The following RAF1 variants were observed in gnomAD, a reference collection of about 807,000 sequenced individuals.
RAF1 encodes RAF proto-oncogene serine/threonine-protein kinase.
Under a neutral mutation model 81.1 loss-of-function variants are expected in RAF1, and 27 were observed. That is an observed-to-expected ratio of 0.33 (90% CI 0.25 to 0.46). The LOEUF is 0.46. Among genes scored for constraint, RAF1 ranks in the 20% least tolerant of loss-of-function variants. RAF1 has a pLI of 1.00. For synonymous variants in RAF1, 298 were observed against 294.0 expected (o/e 1.01, Z -0.14); for missense variants, 598 against 826.0 (o/e 0.72, Z 3.38).
At chr3:12,595,897 A>T in intron 11 of RAF1, among the ~76,000 whole-genome samples, 1 of 146,772 alleles carries the variant, frequency 6.8e-6, no homozygotes, top group Non-Finnish European at 1.5e-5. Flanking sequence ...TTTTTTGGAC[A>T]CAGGGTCTTG....
intron 1 of RAF1, among the ~76,000 whole-genome samples, chr3:12,620,686 C>T (rs1356003801): frequency 2.0e-5 from 3 of 152,036 alleles, no homozygotes; most frequent in Non-Finnish European, 4.4e-5. Context: ...CTATGTTGCC[C>T]AGGCTGGTCT....
chr3:12,585,033 A>C (rs767966447), intron 16 of RAF1, 52 bp from the exon 16 acceptor site: 1 of 1,614,066 alleles, frequency 6.2e-7, no homozygotes, highest in Non-Finnish European at 8.5e-7. Flanking sequence ...ACAACAGATA[A>C]TAACAAGTCC....
rs2059124109 is a variant in RAF1 at position 12,608,937 on chromosome 3, A to G, written c.424-14T>C. ...CGTCTTCCGAGCCTACAACAAGAAC[A>G]CAGGTGTAAATTATGCTGAATAAAT... is the stretch of plus-strand genomic sequence containing the variant. On this transcript the variant is annotated splice_polypyrimidine_tract_variant and intron_variant, in intron 4 of 17. Transcript: ENST00000442415. 1 of 1,614,024 alleles carries G rather than the reference A, an allele frequency of 6.2e-7. No homozygotes were observed. Among genetic ancestry groups the G allele is most frequent in the Non-Finnish European group, 8.5e-7 (1 of 1,179,896 alleles).
intron 2 of RAF1, 121 bp from the exon 3 acceptor site, chr3:12,612,183 C>T (rs1189069722): frequency 2.4e-5 from 18 of 758,024 alleles, no homozygotes; most frequent in Non-Finnish European, 3.5e-5. Context: ...CACACATATA[C>T]GAAACAACCT....
chr3:12,613,175 G>T (rs909920537), intron 2 of RAF1, among the ~76,000 whole-genome samples: 1 of 152,096 alleles, frequency 6.6e-6, no homozygotes, highest in African/African-American at 2.4e-5. Context: ...GAGTGCCCAG[G>T]ATACTCACAA....
At chr3:12,616,481 C>T (rs1324522178) in intron 2 of RAF1, among the ~76,000 whole-genome samples, 1 of 152,182 alleles carries the variant, frequency 6.6e-6, no homozygotes, top group African/African-American at 2.4e-5. Context: ...GGGATTATTA[C>T]TGCTTATTTT....
chr3:12,633,949 A>C (rs1490642878), intron 1 of RAF1, among the ~76,000 whole-genome samples: 5 of 151,842 alleles, frequency 3.3e-5, no homozygotes, highest in Non-Finnish European at 5.9e-5. Context: ...AAAAAAAAAA[A>C]AACAAAAAAA....
intron 2 of RAF1, among the ~76,000 whole-genome samples, chr3:12,618,006 T>C (rs1247723437): frequency 2.0e-5 from 3 of 152,044 alleles, no homozygotes; most frequent in African/African-American, 7.2e-5. Context: ...CAGAACTAAG[T>C]GGCTGGTGTC....
rs115477284 is a variant in RAF1, at chr3:12,601,183, A to C, written c.895-768T>G. Among the ~76,000 whole-genome samples the C allele has an allele frequency of 3.2e-3, 488 of 152,348 alleles. 3 individuals carry two copies. Among genetic ancestry groups the C allele is most frequent in the African/African-American group, 0.011 (457 of 41,580 alleles). ...AGAAAGCTGGAAAGACCACAAATCC[A>C]AGTTCAAAACCTACATTTTACATAT... On this transcript the variant is annotated intron_variant, in intron 8 of 17. Transcript: ENST00000442415.
At chr3:12,640,046 G>A (rs762005730) in intron 1 of RAF1, among the ~76,000 whole-genome samples, 1 of 152,114 alleles carries the variant, frequency 6.6e-6, no homozygotes, top group Non-Finnish European at 1.5e-5. Context: ...ACAGAACAGA[G>A]CCGCCAGAAA....
At position 12,608,794 on chromosome 3, in the gene RAF1, C is replaced by G; in HGVS notation, c.553G>C (p.Val185Leu). ...AGTTGTCTGATGTTACTCCAGTCCA[C>G]ACACATAGTAGGTACTTTGGTGCTA... Residue 185 changes from valine (V) to leucine (L), a missense_variant, in exon 5 of 18, where the codon GTG becomes CTG. By Grantham distance (32) the Val-to-Leu change is conservative (BLOSUM62 1). Transcript: ENST00000442415. The G allele has an allele frequency of 6.2e-7, 1 of 1,614,182 alleles. No homozygotes were observed. Among genetic ancestry groups the G allele is most frequent in the African/African-American group, 1.3e-5 (1 of 75,068 alleles).
At chr3:12,593,121 C>T (rs1443915506) in intron 11 of RAF1, among the ~76,000 whole-genome samples, 9 of 149,624 alleles carry the variant, frequency 6.0e-5, no homozygotes, top group Non-Finnish European at 1.2e-4. Context: ...GATGGAGACT[C>T]GCTCTGTTAC....
chr3:12,626,275 TA>T (rs1014192796), intron 1 of RAF1, among the ~76,000 whole-genome samples: 18 of 148,108 alleles, frequency 1.2e-4, no homozygotes, highest in African/African-American at 3.0e-4. Flanking sequence ...AACCAAACAT[TA>T]AAAAAAAAAT....
chr3:12,619,661 C>CA (rs1380375605), intron 1 of RAF1, among the ~76,000 whole-genome samples: 1 of 151,744 alleles, frequency 6.6e-6, no homozygotes. Context: ...TCTTCCTAAG[C>CA]AACTACTACC....
intron 17 of RAF1, 81 bp from the exon 17 acceptor site, chr3:12,584,738 G>C (rs375973458): frequency 2.2e-5 from 36 of 1,612,716 alleles, no homozygotes; most frequent in Non-Finnish European, 2.9e-5. Context: ...ATCTTGTAGA[G>C]GACCTGGGTC....
At chr3:12,613,290 G>C (rs948998437) in intron 2 of RAF1, among the ~76,000 whole-genome samples, 38 of 152,168 alleles carry the variant, frequency 2.5e-4, no homozygotes, top group African/African-American at 8.9e-4. Context: ...AAGGTAACTA[G>C]AGTCAGTATG....
At chr3:12,626,484 G>C (rs1405093400) in intron 1 of RAF1, among the ~76,000 whole-genome samples, 1 of 151,486 alleles carries the variant, frequency 6.6e-6, no homozygotes, top group East Asian at 1.9e-4. Flanking sequence ...CCAGCTACTT[G>C]GGAGACTGAG....
intron 3 of RAF1, 139 bp downstream of exon 3, chr3:12,611,811 G>A (rs776471276): frequency 1.4e-6 from 1 of 718,706 alleles, no homozygotes; most frequent in Non-Finnish European, 2.4e-6. Context: ...CTATTTTTCT[G>A]AATTATCTCT....
chr3:12,652,135 G>A (rs1247548355), intron 1 of RAF1, among the ~76,000 whole-genome samples: 1 of 151,842 alleles, frequency 6.6e-6, no homozygotes, highest in African/African-American at 2.4e-5. Flanking sequence ...AGAATCGCTT[G>A]AACCCAGGAG....
Sources: gnomAD v4.1 joint callset for allele counts (sites outside exome capture counted in the v4.1 genomes callset) on GRCh38, gnomAD v4.1.1 for gene constraint, MANE v1.5 for transcripts, NCBI Gene and HGNC (gene_info 2026-07-23, HGNC 2026-07-21) for gene names.